The following MTA3 variants were observed in gnomAD, a reference collection of about 807,000 sequenced individuals.
MTA3 encodes metastasis associated 1 family member 3, also known as metastasis-associated protein MTA3.
In MTA3, 34 loss-of-function variants were observed where a neutral mutation model predicts 83.5. The observed-to-expected ratio is 0.41, with a 90% CI of 0.31 to 0.54. The LOEUF is 0.54. MTA3 is among the 20% of genes least tolerant of loss of function. MTA3 has a pLI of 0.33. For synonymous variants in MTA3, 303 were observed against 252.7 expected, an observed-to-expected ratio of 1.20 and a Z score of -1.89; for missense variants, 761 against 726.4, an observed-to-expected ratio of 1.05 and a Z score of -0.55.
chr2:42,589,570 T>G (rs894197809), intron 3 of MTA3, among the ~76,000 whole-genome samples: 1 of 152,180 alleles, frequency 6.6e-6, no homozygotes, highest in Non-Finnish European at 1.5e-5. Context: ...TTTGTTTTTT[T>G]GAGAGAGAGT....
At chr2:42,661,668 A>T (rs1033110119) in intron 8 of MTA3, among the ~76,000 whole-genome samples, 1 of 152,154 alleles carries the variant, frequency 6.6e-6, no homozygotes, top group Admixed American at 6.6e-5. Flanking sequence ...GTACAGCAGC[A>T]GCCAAAAAAA....
intron 6 of MTA3, among the ~76,000 whole-genome samples, chr2:42,654,100 G>C (rs765001156): frequency 3.1e-4 from 47 of 152,194 alleles, no homozygotes; most frequent in Non-Finnish European, 5.9e-4. Context: ...TCAAACCTTA[G>C]ATCTTTTTGG....
At position 42,539,072 on chromosome 2, in the gene MTA3, C is replaced by T. The variant is rs1169645727; in HGVS notation, c.-140-31365C>T. 5.3e-5 allele frequency among the ~76,000 whole-genome samples: 8 copies of T among 152,176 alleles called. No homozygotes were observed. In the East Asian group the frequency reaches 1.4e-3, roughly 26 times the overall value. Reference sequence around the variant, plus strand: ...TACAGGCGTGAGCCACCGCTCCCGGCCTGAAAAAAATGTTATAAGTGTTTC... The same window carrying T: ...TACAGGCGTGAGCCACCGCTCCCGGTCTGAAAAAAATGTTATAAGTGTTTC... On this transcript the variant is annotated intron_variant, in intron 2 of 17. Transcript: ENST00000405592.
At chr2:42,512,027 A>C (rs1046524252) in intron 2 of MTA3, among the ~76,000 whole-genome samples, 8 of 151,656 alleles carry the variant, frequency 5.3e-5, no homozygotes, top group Admixed American at 1.3e-4. Context: ...AAAAAAAATA[A>C]ATAAATAAAT....
intron 2 of MTA3, among the ~76,000 whole-genome samples, chr2:42,516,287 C>A (rs1038491388): frequency 2.0e-5 from 3 of 152,060 alleles, no homozygotes; most frequent in Admixed American, 6.6e-5. Context: ...GATTTTTGAC[C>A]GCACTTGGAT....
At chr2:42,512,294 A>G (rs1033870580) in intron 2 of MTA3, among the ~76,000 whole-genome samples, 1 of 152,106 alleles carries the variant, frequency 6.6e-6, no homozygotes, top group Non-Finnish European at 1.5e-5. Flanking sequence ...TCAGCCAAAA[A>G]TGATGAGAGA....
intron 4 of MTA3, among the ~76,000 whole-genome samples, chr2:42,621,241 C>T (rs1685506319): frequency 6.7e-6 from 1 of 149,776 alleles, no homozygotes; most frequent in South Asian, 2.2e-4. Flanking sequence ...AACAAGTGAA[C>T]AAAGGTCTCT....
chr2:42,668,741 C>T (rs1487710938), intron 8 of MTA3, among the ~76,000 whole-genome samples: 3 of 151,992 alleles, frequency 2.0e-5, no homozygotes, highest in Non-Finnish European at 4.4e-5. Flanking sequence ...CTATGATTAA[C>T]CATACCATTT....
intron 12 of MTA3, among the ~76,000 whole-genome samples, chr2:42,705,186 A>T (rs1017924015): frequency 1.1e-4 from 17 of 152,184 alleles, no homozygotes; most frequent in African/African-American, 4.1e-4. Flanking sequence ...AAGTTGCTGA[A>T]TTTGTAGAAA....
intron 2 of MTA3, among the ~76,000 whole-genome samples, chr2:42,512,362 C>T (rs549015827): frequency 2.0e-5 from 3 of 152,272 alleles, no homozygotes; most frequent in East Asian, 3.9e-4. Flanking sequence ...TGCTGTAACT[C>T]CATGCTGCCA....
At chr2:42,731,168 C>G (rs1263493546) in intron 16 of MTA3, among the ~76,000 whole-genome samples, 1 of 151,910 alleles carries the variant, frequency 6.6e-6, no homozygotes, top group African/African-American at 2.4e-5. Flanking sequence ...TTCCATTGAC[C>G]TTTTGTATTG....
chr2:42,730,083 C>T (rs557354050), intron 16 of MTA3, among the ~76,000 whole-genome samples: 1 of 152,174 alleles, frequency 6.6e-6, no homozygotes, highest in African/African-American at 2.4e-5. Flanking sequence ...TATCCTGCAA[C>T]TTTACTCAAT....
intron 16 of MTA3, among the ~76,000 whole-genome samples, chr2:42,727,448 C>G (rs962803592): frequency 6.6e-6 from 1 of 152,174 alleles, no homozygotes; most frequent in Non-Finnish European, 1.5e-5. Context: ...CCAGGTATCA[C>G]CTACTATGTT....
chr2:42,597,718 T>C (rs1681993091), intron 3 of MTA3, among the ~76,000 whole-genome samples: 1 of 147,726 alleles, frequency 6.8e-6, no homozygotes, highest in African/African-American at 2.5e-5. Context: ...TCTTGCTCTG[T>C]TGCCCAGGCT....
chr2:42,518,460 C>T (rs1258459697), intron 2 of MTA3, among the ~76,000 whole-genome samples: 1 of 152,066 alleles, frequency 6.6e-6, no homozygotes, highest in African/African-American at 2.4e-5. Context: ...AAAGCTAGAG[C>T]AATTTGAATA....
intron 9 of MTA3, among the ~76,000 whole-genome samples, chr2:42,684,564 A>G (rs549840281): frequency 2.6e-5 from 4 of 152,380 alleles, no homozygotes; most frequent in East Asian, 1.9e-4. Context: ...TGTTATTAAT[A>G]TAACAGTTAT....
intron 4 of MTA3, among the ~76,000 whole-genome samples, chr2:42,621,609 A>G (rs1685548967): frequency 6.6e-6 from 1 of 152,206 alleles, no homozygotes; most frequent in Non-Finnish European, 1.5e-5. Flanking sequence ...CAAAACCGCC[A>G]TCGTCATCAT....
chr2:42,684,490 C>T (rs753479538), intron 9 of MTA3, among the ~76,000 whole-genome samples: 26 of 152,246 alleles, frequency 1.7e-4, no homozygotes, highest in Admixed American at 3.3e-4. Context: ...TTGTAGGATG[C>T]GCAGCTGAAA....
intron 3 of MTA3, among the ~76,000 whole-genome samples, chr2:42,583,762 C>G (rs1051686924): frequency 6.6e-6 from 1 of 151,670 alleles, no homozygotes; most frequent in Non-Finnish European, 1.5e-5. Flanking sequence ...CTCCTGGGCT[C>G]TCAAGTGATC....
Sources: gnomAD v4.1 joint callset for allele counts (sites outside exome capture counted in the v4.1 genomes callset) on GRCh38, gnomAD v4.1.1 for gene constraint, MANE v1.5 for transcripts, NCBI Gene and HGNC (gene_info 2026-07-23, HGNC 2026-07-21) for gene names.